Variants in GBE1 observed in about 807,000 individuals in gnomAD.
GBE1 encodes the protein 1,4-alpha-glucan-branching enzyme.
In GBE1, 70 loss-of-function variants were observed where a neutral mutation model predicts 88.8. The ratio of observed to expected loss-of-function variants is 0.79; its 90% CI spans 0.65 to 0.96. The LOEUF is 0.96. GBE1 is among the 40% of genes least tolerant of loss of function. GBE1 has a pLI of 0.00. For missense variants in GBE1, 872 were observed against 871.0 expected, an observed-to-expected ratio of 1.00 and a Z score of -0.01; for synonymous variants, 284 against 300.1, an observed-to-expected ratio of 0.95 and a Z score of 0.56.
chr3:81,654,863 G>A (rs974972258), intron 3 of GBE1: 39 of 151,998 alleles, frequency 2.6e-4, no homozygotes, highest in African/African-American at 9.2e-4. Flanking sequence ...ACAATGTTTT[G>A]ATATATGTAC....
chr3:81,515,736 A>G (rs946392347), intron 14 of GBE1, among the ~76,000 whole-genome samples: 5 of 151,620 alleles, frequency 3.3e-5, no homozygotes, highest in Non-Finnish European at 4.4e-5. Context: ...TCAAAGAAAT[A>G]AGAAGTGCTA....
rs1442493969 is a variant in GBE1, at chr3:81,536,900, G to A, written c.1803+11C>T. 3.7e-5 allele frequency: 58 copies of A among 1,572,026 alleles called. No homozygotes were observed. The highest frequency in any genetic ancestry group is 4.9e-5 in the Non-Finnish European group (57 of 1,162,674). On this transcript the variant is annotated intron_variant, in intron 13 of 15. Transcript: ENST00000429644. ...GTGACTAAAACACAGCATCCAGAGT[G>A]AAGAGCTTACCTGTGGAGCTGCAAG...
chr3:81,741,793 G>T (rs1706352541), intron 1 of GBE1, among the ~76,000 whole-genome samples: 1 of 147,582 alleles, frequency 6.8e-6, no homozygotes, highest in Non-Finnish European at 1.5e-5. Context: ...AATATATAGA[G>T]TATTATACTC....
chr3:81,562,991 T>C (rs1703440348), intron 12 of GBE1, among the ~76,000 whole-genome samples: 1 of 152,000 alleles, frequency 6.6e-6, no homozygotes, highest in African/African-American at 2.4e-5. Flanking sequence ...TGTCGAGTTG[T>C]TCAGGAGAAA....
intron 8 of GBE1, among the ~76,000 whole-genome samples, chr3:81,593,018 GTTTT>G (rs1288642843): frequency 1.3e-5 from 2 of 149,368 alleles, no homozygotes; most frequent in Non-Finnish European, 2.9e-5. Context: ...CACCCCCTTT[GTTTT>G]TTTCTTTTTT....
chr3:81,715,548 A>G (rs1705927444), intron 1 of GBE1, among the ~76,000 whole-genome samples: 1 of 152,210 alleles, frequency 6.6e-6, no homozygotes, highest in Admixed American at 6.5e-5. Flanking sequence ...GAAACTAGCT[A>G]TTAAATGAGT....
chr3:81,566,995 A>G (rs1703504664), intron 12 of GBE1, among the ~76,000 whole-genome samples: 1 of 152,168 alleles, frequency 6.6e-6, no homozygotes, highest in Non-Finnish European at 1.5e-5. Context: ...TCCCACTCGA[A>G]CTGCTATCTT....
At chr3:81,743,160 G>A (rs190522585) in intron 1 of GBE1, among the ~76,000 whole-genome samples, 1 of 152,028 alleles carries the variant, frequency 6.6e-6, no homozygotes. Flanking sequence ...GAGTCAGCAC[G>A]TACTAAACAG....
Position 81,754,111 on chromosome 3 carries a change from T to C in GBE1, c.143+7264A>G, listed in dbSNP as rs80104023. Among the ~76,000 whole-genome samples the C allele has an allele frequency of 2.5e-4, 38 of 152,332 alleles. 1 individual carries two copies. In the East Asian group the frequency reaches 6.7e-3, roughly 27 times the overall value. On this transcript the variant is annotated intron_variant, in intron 1 of 15. Transcript: ENST00000429644. Reference sequence around the variant, plus strand: ...GAAGTGGTAAACAAATTCAGTGAAGTTGCAGAATACAAAATCGAAATATAA... The same window carrying C: ...GAAGTGGTAAACAAATTCAGTGAAGCTGCAGAATACAAAATCGAAATATAA...
chr3:81,542,054 C>A (rs763245829), intron 12 of GBE1, among the ~76,000 whole-genome samples: 2 of 151,890 alleles, frequency 1.3e-5, no homozygotes, highest in Non-Finnish European at 2.9e-5. Flanking sequence ...TTGTCTATAT[C>A]CACATCTGTA....
chr3:81,530,140 T>G (rs941462401), intron 14 of GBE1, among the ~76,000 whole-genome samples: 5 of 151,968 alleles, frequency 3.3e-5, no homozygotes, highest in African/African-American at 1.2e-4. Flanking sequence ...CAACTGAATT[T>G]TTCAGCCCCA....
At chr3:81,557,041 C>T (rs1221411087) in intron 12 of GBE1, among the ~76,000 whole-genome samples, 1 of 152,014 alleles carries the variant, frequency 6.6e-6, no homozygotes, top group Non-Finnish European at 1.5e-5. Flanking sequence ...CCATTATAAT[C>T]CCCTTTCTTA....
At chr3:81,606,622 T>C (rs1399641436) in intron 7 of GBE1, among the ~76,000 whole-genome samples, 1 of 152,210 alleles carries the variant, frequency 6.6e-6, no homozygotes, top group Non-Finnish European at 1.5e-5. Flanking sequence ...GACAAGCTCA[T>C]TTCAGACATA....
intron 1 of GBE1, among the ~76,000 whole-genome samples, chr3:81,712,704 G>A (rs760676100): frequency 4.6e-5 from 7 of 152,064 alleles, no homozygotes; most frequent in East Asian, 1.9e-4. Flanking sequence ...TGTAAATGAC[G>A]AGTTAATGGG....
At chr3:81,536,489 AAAG>A (rs1310820053) in intron 13 of GBE1, among the ~76,000 whole-genome samples, 1 of 151,970 alleles carries the variant, frequency 6.6e-6, no homozygotes, top group Non-Finnish European at 1.5e-5. Context: ...AGAGGCCACT[AAAG>A]AAGAGAAAAA....
At chr3:81,585,658 T>C (rs907990334) in intron 10 of GBE1, among the ~76,000 whole-genome samples, 3 of 152,212 alleles carry the variant, frequency 2.0e-5, no homozygotes, top group Non-Finnish European at 4.4e-5. Flanking sequence ...AATAAAGGAA[T>C]GGATGAATCC....
chr3:81,499,030 G>T (rs990785448), intron 15 of GBE1, 80 bp downstream of exon 15: 6 of 801,790 alleles, frequency 7.5e-6, no homozygotes, highest in Non-Finnish European at 1.2e-5. Flanking sequence ...TATTTGAAGA[G>T]TTGTTTATTT....
At chr3:81,746,549 C>T (rs1185766828) in intron 1 of GBE1, among the ~76,000 whole-genome samples, 4 of 152,028 alleles carry the variant, frequency 2.6e-5, no homozygotes, top group Admixed American at 6.6e-5. Flanking sequence ...ACATTAGCTA[C>T]CACATCTGGC....
intron 9 of GBE1, among the ~76,000 whole-genome samples, chr3:81,587,334 T>A (rs1703815633): frequency 6.6e-6 from 1 of 152,210 alleles, no homozygotes; most frequent in South Asian, 2.1e-4. Context: ...ATCTTTCAAA[T>A]AAGTTACTTT....
Sources: gnomAD v4.1 joint callset for allele counts (sites outside exome capture counted in the v4.1 genomes callset) on GRCh38, gnomAD v4.1.1 for gene constraint, MANE v1.5 for transcripts, NCBI Gene and HGNC (gene_info 2026-07-23, HGNC 2026-07-21) for gene names.